TRIM67: variants seen among roughly 807,000 people sequenced by gnomAD.
TRIM67 encodes tripartite motif-containing protein 67.
TRIM67 carries 39 observed loss-of-function variants against 71.0 expected under a neutral mutation model. The ratio of observed to expected loss-of-function variants is 0.55; its 90% CI spans 0.43 to 0.72. TRIM67 has a LOEUF of 0.72. Among genes scored for constraint, TRIM67 ranks in the 30% least tolerant of loss-of-function variants. TRIM67 has a pLI of 0.00. For synonymous variants in TRIM67, 481 were observed against 473.9 expected (o/e 1.01, Z -0.19); for missense variants, 973 against 1,079.2 (o/e 0.90, Z 1.38).
At chr1:231,179,847 C>T (rs775879147) in intron 1 of TRIM67, among the ~76,000 whole-genome samples, 27 of 152,046 alleles carry the variant, frequency 1.8e-4, no homozygotes, top group Admixed American at 2.6e-4. Context: ...GGGAGAAGGA[C>T]GGTTTAAGGT....
At chr1:231,167,039 A>G (rs1394281412) in intron 1 of TRIM67, among the ~76,000 whole-genome samples, 1 of 152,200 alleles carries the variant, frequency 6.6e-6, no homozygotes, top group East Asian at 1.9e-4. Flanking sequence ...CTCCTCACTC[A>G]GGGAGAACTC....
chr1:231,167,678 C>T (rs1224819252), intron 1 of TRIM67, among the ~76,000 whole-genome samples: 4 of 151,814 alleles, frequency 2.6e-5, no homozygotes, highest in African/African-American at 4.8e-5. Context: ...TTGTCTCCAA[C>T]TCCTGGCCTT....
In TRIM67 at chr1:231,220,842, G is replaced by A. The variant is rs1414847816; in HGVS notation, c.*5402G>A. The stretch of plus-strand genomic sequence containing the variant: ...GCCTAGGGACCTGTGGGCCGGTGAT[G>A]CGGGCACTGCAGACCAGGCCAGGCC... On this transcript the variant is annotated 3_prime_UTR_variant, in exon 10 of 10. Coordinates refer to ENST00000366653, the MANE Select transcript of TRIM67 (RefSeq NM_001004342.5). 1.3e-5 allele frequency: 2 copies of A among 152,350 alleles called. No homozygotes were observed. 9.4% of individuals were successfully genotyped at this position (152,350 alleles called of 1,614,324 possible). A position where few individuals can be genotyped will look rare whatever the true frequency, so the allele number is the denominator to read the frequency against.
At chr1:231,210,043 T>C (rs1281042778) in intron 8 of TRIM67, among the ~76,000 whole-genome samples, 4 of 152,132 alleles carry the variant, frequency 2.6e-5, no homozygotes, top group African/African-American at 9.7e-5. Flanking sequence ...CTTTCTCCTC[T>C]CCCAGGGATT....
At chr1:231,184,978 G>A in intron 1 of TRIM67, 1 of 1,513,170 alleles carries the variant, frequency 6.6e-7, no homozygotes, top group Non-Finnish European at 8.9e-7. Context: ...ACACCCAGCA[G>A]TGCTCCTGAA....
At chr1:231,170,619 T>C (rs1487424953) in intron 1 of TRIM67, among the ~76,000 whole-genome samples, 1 of 152,208 alleles carries the variant, frequency 6.6e-6, no homozygotes, top group Non-Finnish European at 1.5e-5. Flanking sequence ...AAATCAACAA[T>C]ATAGAGTGTT....
rs527699562 is a variant in TRIM67, at chr1:231,183,348, C to G, written c.1045-14023C>G. On this transcript the variant is annotated intron_variant, in intron 1 of 9. Transcript: ENST00000366653. The stretch of plus-strand genomic sequence containing the variant: ...GCAGAGTGGCTCACACCTGTAATCT[C>G]AGTGCTTTGGGAGGTTGAGGCAAGA... 3.3e-5 allele frequency among the ~76,000 whole-genome samples: 5 copies of G among 152,284 alleles called. No individual in the cohort carries two copies. In the South Asian group the frequency reaches 6.2e-4, roughly 19 times the overall value.
intron 7 of TRIM67, 119 bp downstream of exon 7, chr1:231,206,909 G>T: frequency 8.7e-7 from 1 of 1,155,524 alleles, no homozygotes; most frequent in Non-Finnish European, 1.2e-6. Context: ...TGCTGGGCAC[G>T]GCTGGGTTCT....
At chr1:231,168,989 C>T (rs1337050210) in intron 1 of TRIM67, among the ~76,000 whole-genome samples, 7 of 152,214 alleles carry the variant, frequency 4.6e-5, no homozygotes, top group Admixed American at 1.3e-4. Context: ...AAGAGTCCGC[C>T]GGGGCTCTCA....
intron 3 of TRIM67, among the ~76,000 whole-genome samples, chr1:231,199,917 T>C (rs1683473362): frequency 6.6e-6 from 1 of 152,052 alleles, no homozygotes; most frequent in African/African-American, 2.4e-5. Flanking sequence ...TTTAGAAAGG[T>C]TTCTGTGTTG....
intron 6 of TRIM67, among the ~76,000 whole-genome samples, chr1:231,205,301 T>C (rs1479470471): frequency 6.6e-6 from 1 of 152,240 alleles, no homozygotes; most frequent in Non-Finnish European, 1.5e-5. Context: ...GGATTAGCTG[T>C]GATCTTAGAC....
chr1:231,204,163 G>A (rs1683632727), intron 6 of TRIM67, among the ~76,000 whole-genome samples, 151 bp downstream of exon 6: 1 of 152,244 alleles, frequency 6.6e-6, no homozygotes, highest in Admixed American at 6.5e-5. Flanking sequence ...AAGGCTGGCG[G>A]AGATGGGGCT....
At chr1:231,196,949 G>A (rs1029889162) in intron 1 of TRIM67, among the ~76,000 whole-genome samples, 1 of 152,216 alleles carries the variant, frequency 6.6e-6, no homozygotes, top group Admixed American at 6.5e-5. Context: ...CAGGCCAGGA[G>A]ATGACTGTGT....
intron 6 of TRIM67, among the ~76,000 whole-genome samples, chr1:231,205,915 C>T (rs1186227433): frequency 6.6e-6 from 1 of 152,050 alleles, no homozygotes; most frequent in African/African-American, 2.4e-5. Context: ...ACCAGGTAGA[C>T]CTTGGCAGAG....
At chr1:231,183,077 A>G (rs1050229338) in intron 1 of TRIM67, among the ~76,000 whole-genome samples, 1 of 152,220 alleles carries the variant, frequency 6.6e-6, no homozygotes, top group Non-Finnish European at 1.5e-5. Context: ...CTAAGCAGTC[A>G]GGATTTTGGG....
intron 1 of TRIM67, chr1:231,185,000 C>A (rs537195395): frequency 6.5e-7 from 1 of 1,531,914 alleles, no homozygotes; most frequent in Non-Finnish European, 8.7e-7. Flanking sequence ...GGGTGGCCGG[C>A]AGGTTGGGGA....
At position 231,217,012 on chromosome 1, in the gene TRIM67, C is replaced by T; in HGVS notation, c.*1572C>T. 1.0e-6 allele frequency: 1 copy of T among 985,876 alleles called. No homozygotes were observed. The highest frequency in any genetic ancestry group is 1.2e-6 in the Non-Finnish European group (1 of 829,950). The allele number at this position is 985,876 out of a possible 1,614,324, so 61.1% of individuals were successfully genotyped here. ...TGGACTGGATTTTTATAAAATTCGC[C>T]CATTCACCAGCACCAACTGTGCGTC... On this transcript the variant is annotated 3_prime_UTR_variant, in exon 10 of 10. Transcript: ENST00000366653.
chr1:231,200,656 A>G (rs1161621258), intron 4 of TRIM67, among the ~76,000 whole-genome samples: 4 of 152,048 alleles, frequency 2.6e-5, no homozygotes, highest in Non-Finnish European at 5.9e-5. Context: ...ACACAGTGCA[A>G]TTTTCTCGGG....
intron 5 of TRIM67, among the ~76,000 whole-genome samples, chr1:231,202,071 G>GAGGAGGAGGAGGCGGAAA (rs1553327047): frequency 8.1e-6 from 1 of 123,168 alleles, no homozygotes; most frequent in Non-Finnish European, 1.6e-5. Context: ...GGAGATGGAG[G>GAGGAGGAGGAGGCGGAAA]AGGAGGAGGT....
Sources: gnomAD v4.1 joint callset for allele counts (sites outside exome capture counted in the v4.1 genomes callset) on GRCh38, gnomAD v4.1.1 for gene constraint, MANE v1.5 for transcripts, NCBI Gene and HGNC (gene_info 2026-07-23, HGNC 2026-07-21) for gene names.